The following LRRC4C variants were observed in gnomAD, a reference collection of about 807,000 sequenced individuals.
LRRC4C encodes leucine rich repeat containing 4C, also known as leucine-rich repeat-containing protein 4C.
Under a neutral mutation model 33.6 loss-of-function variants are expected in LRRC4C, and 5 were observed. That is an observed-to-expected ratio of 0.15 (90% confidence interval 0.08 to 0.31). The LOEUF (loss-of-function observed/expected upper bound fraction) is 0.31. LRRC4C is among the 10% of genes least tolerant of loss of function. The probability of loss-of-function intolerance (pLI) is 1.00; values close to 1 mark genes in which losing one functional copy is unlikely to be tolerated. For synonymous variants in LRRC4C, 329 were observed against 302.0 expected (o/e 1.09, Z -0.93); for missense variants, 560 against 796.7 (o/e 0.70, Z 3.58).
At chr11:41,306,114 C>T (rs954854277) in intron 1 of LRRC4C, among the ~76,000 whole-genome samples, 1 of 151,736 alleles carries the variant, frequency 6.6e-6, no homozygotes, top group Non-Finnish European at 1.5e-5. Context: ...AAATTTTTCA[C>T]CTCAGTCTAG....
At chr11:40,420,101 G>A (rs1397425717) in intron 3 of LRRC4C, among the ~76,000 whole-genome samples, 1 of 152,304 alleles carries the variant, frequency 6.6e-6, no homozygotes. Flanking sequence ...TAAATGAAAG[G>A]AATGAATAAT....
intron 2 of LRRC4C, among the ~76,000 whole-genome samples, chr11:40,823,743 A>T (rs1952040577): frequency 6.6e-6 from 1 of 151,908 alleles, no homozygotes; most frequent in South Asian, 2.1e-4. Flanking sequence ...ATAAATATGT[A>T]AAATGGTAAA....
chr11:40,853,632 A>G (rs1226821709), intron 2 of LRRC4C, among the ~76,000 whole-genome samples: 1 of 152,112 alleles, frequency 6.6e-6, no homozygotes, highest in Non-Finnish European at 1.5e-5. Context: ...TAAACTACGA[A>G]CACCCATGGG....
intron 1 of LRRC4C, among the ~76,000 whole-genome samples, chr11:40,992,398 T>C (rs1853643369): frequency 6.6e-6 from 1 of 151,654 alleles, no homozygotes; most frequent in Middle Eastern, 3.2e-3. Context: ...TTTCATTTTA[T>C]TGACTGATAT....
At chr11:40,541,687 C>T (rs778612241) in intron 3 of LRRC4C, among the ~76,000 whole-genome samples, 4 of 152,102 alleles carry the variant, frequency 2.6e-5, no homozygotes, top group Non-Finnish European at 5.9e-5. Flanking sequence ...TGTGCAGCTT[C>T]TTATCTCCTT....
intron 1 of LRRC4C, among the ~76,000 whole-genome samples, chr11:41,000,062 C>T (rs181570574): frequency 3.9e-5 from 6 of 152,194 alleles, no homozygotes; most frequent in African/African-American, 1.4e-4. Flanking sequence ...AAAAACCTTG[C>T]ATGCTAAAGA....
chr11:41,005,727 G>A (rs954008205), intron 1 of LRRC4C, among the ~76,000 whole-genome samples: 1 of 152,118 alleles, frequency 6.6e-6, no homozygotes, highest in African/African-American at 2.4e-5. Flanking sequence ...CAAGTTTCCT[G>A]AGGCCCTCAC....
At chr11:40,464,808 T>C (rs1218559025) in intron 3 of LRRC4C, among the ~76,000 whole-genome samples, 1 of 151,734 alleles carries the variant, frequency 6.6e-6, no homozygotes, top group Admixed American at 6.6e-5. Flanking sequence ...CGCAAATAAT[T>C]TTAGACGACA....
chr11:41,369,773 A>AT (rs1565618898), intron 1 of LRRC4C, among the ~76,000 whole-genome samples: 1 of 152,174 alleles, frequency 6.6e-6, no homozygotes, highest in African/African-American at 2.4e-5. Context: ...AATGATGAGC[A>AT]CCTGGAGAAA....
chr11:40,452,863 G>T (rs1951951178), intron 3 of LRRC4C, among the ~76,000 whole-genome samples: 1 of 152,138 alleles, frequency 6.6e-6, no homozygotes. Flanking sequence ...AAAAAATGAT[G>T]AGTTCATGTC....
intron 2 of LRRC4C, among the ~76,000 whole-genome samples, chr11:40,800,293 T>C (rs188216990): frequency 4.6e-4 from 70 of 152,314 alleles, no homozygotes; most frequent in African/African-American, 1.2e-3. Context: ...GACTATTTTG[T>C]TTCCCTGTCT....
intron 3 of LRRC4C, among the ~76,000 whole-genome samples, chr11:40,466,057 A>G (rs1395245516): frequency 1.3e-5 from 2 of 152,056 alleles, no homozygotes; most frequent in African/African-American, 4.8e-5. Context: ...GAAAATATCT[A>G]CATATACACC....
chr11:40,276,295 C>A (rs1184825781), intron 4 of LRRC4C, among the ~76,000 whole-genome samples: 1 of 152,042 alleles, frequency 6.6e-6, no homozygotes, highest in East Asian at 1.9e-4. Context: ...CAATAGGAAG[C>A]AAGAGCCTGC....
At chr11:40,989,415 T>TA (rs1853337734) in intron 1 of LRRC4C, among the ~76,000 whole-genome samples, 2 of 152,236 alleles carry the variant, frequency 1.3e-5, no homozygotes, top group South Asian at 4.1e-4. Flanking sequence ...TCACCATGGT[T>TA]AAGGAAAATG....
intron 3 of LRRC4C, among the ~76,000 whole-genome samples, chr11:40,418,592 C>T (rs1412145512): frequency 6.6e-6 from 1 of 152,194 alleles, no homozygotes; most frequent in Non-Finnish European, 1.5e-5. Context: ...CCATTTTAGC[C>T]AGCAATCCCA....
intron 1 of LRRC4C, among the ~76,000 whole-genome samples, chr11:41,315,520 C>T (rs1028804823): frequency 2.6e-5 from 4 of 152,160 alleles, no homozygotes; most frequent in Admixed American, 6.5e-5. Flanking sequence ...CAACCATCAA[C>T]ACCAACTTGC....
chr11:41,412,895 C>T (rs1474238487), intron 1 of LRRC4C, among the ~76,000 whole-genome samples: 1 of 152,190 alleles, frequency 6.6e-6, no homozygotes, highest in Non-Finnish European at 1.5e-5. Context: ...CTGCCCCTAA[C>T]AGCCTTTTCC....
intron 1 of LRRC4C, among the ~76,000 whole-genome samples, chr11:41,099,390 GA>G (rs199827557): frequency 3.3e-4 from 46 of 138,028 alleles, no homozygotes; most frequent in Middle Eastern, 7.6e-3. Context: ...AAAAAAAAAA[GA>G]AAAAAAAAAA....
intron 1 of LRRC4C, among the ~76,000 whole-genome samples, chr11:41,110,062 A>G (rs1022515766): frequency 1.4e-4 from 22 of 152,006 alleles, no homozygotes; most frequent in African/African-American, 5.3e-4. Context: ...TCCTCAACCC[A>G]CTATTTTATT....
Sources: allele counts gnomAD v4.1 joint callset (sites outside exome capture counted in the v4.1 genomes callset), GRCh38; gene constraint gnomAD v4.1.1; transcripts MANE v1.5; gene names NCBI Gene and HGNC (gene_info 2026-07-23, HGNC 2026-07-21).